BCR: variants seen among roughly 807,000 people sequenced by gnomAD.
BCR encodes BCR activator of RhoGEF and GTPase.
In BCR, 58 loss-of-function variants were observed where a neutral mutation model predicts 138.6. The ratio of observed to expected loss-of-function variants is 0.42; its 90% CI spans 0.34 to 0.52. BCR has a LOEUF of 0.52. Ranked by LOEUF, BCR falls within the 20% of genes least tolerant of loss-of-function variation. The pLI is 0.06. For missense variants in BCR, 1,599 were observed against 1,727.2 expected (o/e 0.93, Z 1.32); for synonymous variants, 786 against 730.1 (o/e 1.08, Z -1.23).
chr22:23,241,456 C>G (rs530578299), intron 1 of BCR, among the ~76,000 whole-genome samples: 2 of 152,236 alleles, frequency 1.3e-5, no homozygotes, highest in East Asian at 3.9e-4. Context: ...TGGAGGGACT[C>G]CCTCCAGTCA....
At chr22:23,267,857 GTA>G (rs1245425822) in intron 4 of BCR, among the ~76,000 whole-genome samples, 2 of 152,350 alleles carry the variant, frequency 1.3e-5, no homozygotes, top group Non-Finnish European at 2.9e-5. Context: ...CACCAGGTGT[GTA>G]GCATGACACC....
chr22:23,287,036 G>A, intron 10 of BCR, 123 bp from the exon 11 acceptor site: 1 of 1,505,736 alleles, frequency 6.6e-7, no homozygotes, highest in Non-Finnish European at 8.9e-7. Flanking sequence ...TCTGTGCTGA[G>A]TGGAGAGATG....
intron 1 of BCR, among the ~76,000 whole-genome samples, chr22:23,217,681 T>C (rs2072772638): frequency 2.0e-5 from 3 of 152,238 alleles, no homozygotes; most frequent in Non-Finnish European, 4.4e-5. Flanking sequence ...TTGAAGGTCA[T>C]TGTTTTCCTA....
intron 4 of BCR, chr22:23,263,331 C>T (rs1019382017): frequency 3.7e-5 from 44 of 1,191,332 alleles, no homozygotes; most frequent in Admixed American, 5.3e-5. Flanking sequence ...CGACCTGCTC[C>T]GGCGCCAGAT....
intron 13 of BCR, chr22:23,290,136 T>G (rs552387905): frequency 1.5e-6 from 1 of 651,514 alleles, no homozygotes; most frequent in South Asian, 1.7e-5. Context: ...TTGCCTGTAT[T>G]GTGAAACCAG....
chr22:23,186,735 A>G (rs1200394348), intron 1 of BCR, among the ~76,000 whole-genome samples: 1 of 151,862 alleles, frequency 6.6e-6, no homozygotes, highest in Non-Finnish European at 1.5e-5. Flanking sequence ...TTTTTTTTTA[A>G]TGGAGTTTCA....
intron 8 of BCR, 38 bp from the exon 9 acceptor site, chr22:23,283,939 C>T: frequency 2.6e-6 from 4 of 1,549,940 alleles, no homozygotes; most frequent in Non-Finnish European, 3.5e-6. Context: ...CCCATCACCC[C>T]AGGCTGGCCC....
intron 1 of BCR, among the ~76,000 whole-genome samples, chr22:23,205,747 A>G (rs2072605576): frequency 6.6e-6 from 1 of 152,106 alleles, no homozygotes; most frequent in South Asian, 2.1e-4. Flanking sequence ...TGAGAGGCAA[A>G]ATCGATGCTA....
chr22:23,275,441 A>G (rs575887327), intron 8 of BCR, among the ~76,000 whole-genome samples: 1 of 152,310 alleles, frequency 6.6e-6, no homozygotes, highest in Non-Finnish European at 1.5e-5. Flanking sequence ...AGTCCTCGCC[A>G]TCCGTGTTGG....
chr22:23,260,871 C>A, intron 2 of BCR, 79 bp from the exon 3 acceptor site: 1 of 1,349,378 alleles, frequency 7.4e-7, no homozygotes, highest in Non-Finnish European at 1.1e-6. Flanking sequence ...AACAAGCTGG[C>A]CCTCCTCTCT....
In BCR at chr22:23,181,274, C is replaced by T; in HGVS notation, c.314C>T (p.Ala105Val). The T allele has an allele frequency of 1.6e-6, 2 of 1,288,810 alleles. No homozygotes were observed. The highest frequency in any genetic ancestry group is 9.9e-7 in the Non-Finnish European group (1 of 1,011,834). The allele number at this position is 1,288,810 out of a possible 1,614,324, so 79.8% of individuals were successfully genotyped here. The change falls in exon 1 of 23, where the codon GCC (alanine) becomes GTC (valine). Residue 105 changes from alanine (A) to valine (V), a missense_variant. Around this residue, in one of 4 missense-constraint regions of BCR, gnomAD observed 806 missense variants for 635.0 expected, o/e 1.27. Coordinates refer to ENST00000305877, the MANE Select transcript of BCR (RefSeq NM_004327.4). Reference protein sequence around the residue: ...SRPQPAPADGADPPPAEEPEA... With the variant: ...SRPQPAPADGVDPPPAEEPEA... ...CCGCAGCCAGCGCCCGCCGACGGAG[C>T]CGACCCGCCGCCCGCCGAGGAGCCC...
intron 16 of BCR, among the ~76,000 whole-genome samples, chr22:23,299,665 T>C (rs1468791083): frequency 6.6e-6 from 1 of 150,864 alleles, no homozygotes; most frequent in Admixed American, 6.6e-5. Flanking sequence ...CTGTAAGTTA[T>C]TTAATACATT....
At chr22:23,190,227 G>A (rs1239080173) in intron 1 of BCR, among the ~76,000 whole-genome samples, 1 of 152,080 alleles carries the variant, frequency 6.6e-6, no homozygotes, top group African/African-American at 2.4e-5. Flanking sequence ...GAGTGCAATG[G>A]CACAGTCTCA....
chr22:23,282,393 C>T (rs1013872506), intron 8 of BCR, among the ~76,000 whole-genome samples: 1 of 152,240 alleles, frequency 6.6e-6, no homozygotes, highest in Non-Finnish European at 1.5e-5. Flanking sequence ...TACCCTTCCA[C>T]TTATGGGCAC....
At chr22:23,300,966 A>G (rs2073896351) in intron 16 of BCR, among the ~76,000 whole-genome samples, 1 of 152,248 alleles carries the variant, frequency 6.6e-6, no homozygotes, top group African/African-American at 2.4e-5. Context: ...ACTTGATAGA[A>G]TGTTGCCCTC....
chr22:23,192,874 A>C (rs367954638), intron 1 of BCR, among the ~76,000 whole-genome samples: 1 of 152,164 alleles, frequency 6.6e-6, no homozygotes, highest in African/African-American at 2.4e-5. Flanking sequence ...CTGTGTGTGC[A>C]CAGGGCCAGG....
intron 4 of BCR, chr22:23,263,638 C>T: frequency 4.7e-6 from 7 of 1,487,098 alleles, no homozygotes; most frequent in Non-Finnish European, 2.8e-6. Flanking sequence ...GGCCACCTCG[C>T]ATATTGTCAG....
chr22:23,207,481 G>T (rs2072630790), intron 1 of BCR, among the ~76,000 whole-genome samples: 1 of 152,072 alleles, frequency 6.6e-6, no homozygotes, highest in African/African-American at 2.4e-5. Flanking sequence ...AAATTAGCCA[G>T]GTGTTTTGGT....
intron 13 of BCR, chr22:23,289,845 G>A (rs1418565317): frequency 1.7e-6 from 1 of 578,150 alleles, no homozygotes; most frequent in Non-Finnish European, 3.1e-6. Flanking sequence ...TTGAGGAGAT[G>A]CACGGCTTCT....
Sources: gnomAD v4.1 joint callset for allele counts (sites outside exome capture counted in the v4.1 genomes callset) on GRCh38, gnomAD v4.1.1 for gene constraint, gnomAD v4.1.1 regional missense constraint, MANE v1.5 for transcripts, NCBI Gene and HGNC (gene_info 2026-07-23, HGNC 2026-07-21) for gene names.